The following CDH3 variants were observed in gnomAD, a reference collection of about 807,000 sequenced individuals.
The protein encoded by CDH3 is cadherin-3.
In CDH3, 54 loss-of-function variants were observed where a neutral mutation model predicts 82.0. The observed-to-expected ratio is 0.66, with a 90% CI of 0.53 to 0.83. The LOEUF (loss-of-function observed/expected upper bound fraction) is 0.83, where lower values mean the gene tolerates loss of function less well. CDH3 is among the 40% of genes least tolerant of loss of function. The pLI, the probability that CDH3 is intolerant of heterozygous loss-of-function variation, is 0.00. For synonymous variants in CDH3, 446 were observed against 437.9 expected (o/e 1.02, Z -0.23); for missense variants, 1,054 against 1,084.6 (o/e 0.97, Z 0.40).
rs993084012 is a variant in CDH3, at chr16:68,695,504, C to T, written c.2133+119C>T. On this transcript the variant is annotated intron_variant, in intron 14 of 15. Transcript: ENST00000264012. ...TGACCAGGCCCTGGCATGAAGCATG[C>T]GTCTTCCTTTTCTAACATCCTCCAG... 15 of 1,058,562 alleles carry T rather than the reference C, an allele frequency of 1.4e-5. No homozygotes were observed. In the South Asian group the frequency reaches 1.6e-4, roughly 11 times the overall value. 65.6% of individuals were successfully genotyped at this position (1,058,562 alleles called of 1,614,324 possible). A position where few individuals can be genotyped will look rare whatever the true frequency, so the allele number is the denominator to read the frequency against.
exon 3 of CDH3, among the ~76,000 whole-genome samples, chr16:68,727,400 ATATATCC>A (rs1468661458): frequency 1.3e-5 from 2 of 152,128 alleles, no homozygotes; most frequent in Non-Finnish European, 2.9e-5. Context: ...CTCTCTCTGT[ATATATCC>A]TATTTGTTCT....
chr16:68,645,372 C>T lies in CDH3; in HGVS notation c.-8C>T, dbSNP rs947800149. 2 of 1,612,960 alleles carry T rather than the reference C, an allele frequency of 1.2e-6. No homozygotes were observed. The highest frequency in any genetic ancestry group is 1.7e-5 in the Admixed American group (1 of 59,990). ...CGCGGCAGCTGCTTCACCCCTCTCT[C>T]TGCAGCCATGGGGCTCCCTCGTGGA... On this transcript the variant is annotated 5_prime_UTR_variant, in exon 1 of 16. Transcript: ENST00000264012.
Position 68,680,999 on chromosome 16 carries a change from C to G in CDH3, c.899C>G (p.Ala300Gly), listed in dbSNP as rs756082124. ...KVPEYTLTIQ[A>G]TDMDGDGSTT... ...CCTGAGTACACACTGACCATCCAGG[C>G]CACAGACATGGATGGGGACGGCTCC... The change falls in exon 8 of 16, where the codon GCC becomes GGC. Residue 300 changes from alanine to glycine, a missense_variant. Transcript: ENST00000264012. 6.2e-7 allele frequency: 1 copy of G among 1,613,812 alleles called. No homozygotes were observed. Among genetic ancestry groups the G allele is most frequent in the South Asian group, 1.1e-5 (1 of 91,082 alleles).
At position 68,687,674 on chromosome 16, in the gene CDH3, C is replaced by T. The variant is rs1961453706; in HGVS notation, c.1733C>T (p.Pro578Leu). The change falls in exon 12 of 16, where the codon CCT (proline) becomes CTT (leucine). Residue 578 changes from proline to leucine, a missense_variant. Physicochemically the swap from Pro to Leu is moderately conservative, Grantham distance 98. Coordinates refer to ENST00000264012, the MANE Select transcript of CDH3 (RefSeq NM_001793.6). ...AAGGACCTGTCTCCCCACACCTCCC[C>T]TTTCCAGGCCCAGCTCACAGATGAC... ...TDKDLSPHTS[P>L]FQAQLTDDSD... 2 of 1,613,994 alleles carry T rather than the reference C, an allele frequency of 1.2e-6. No individual in the cohort carries two copies. The highest frequency in any genetic ancestry group is 1.3e-5 in the African/African-American group (1 of 74,920).
At position 68,678,236 on chromosome 16, in the gene CDH3, C is replaced by A. The variant is rs2152099870; in HGVS notation, c.349C>A (p.Pro117Thr). The A allele has an allele frequency of 1.2e-6, 2 of 1,614,106 alleles. No homozygotes were observed. The highest frequency in any genetic ancestry group is 1.7e-6 in the Non-Finnish European group (2 of 1,180,000). Residue 117 changes from proline (P) to threonine (T), a missense_variant, in exon 4 of 16, where the codon CCT becomes ACT. Coordinates refer to ENST00000264012, the MANE Select transcript of CDH3 (RefSeq NM_001793.6). The part of the protein sequence containing the change: ...RDWVVAPISV[P>T]ENGKGPFPQR... ...TTGGGTGGTTGCTCCAATATCTGTC[C>A]CTGAAAATGGCAAGGGTCCCTTCCC...
At chr16:68,710,933 A>AGGGAG (rs1439675455) in intron 1 of CDH3, among the ~76,000 whole-genome samples, 1 of 123,696 alleles carries the variant, frequency 8.1e-6, no homozygotes. Flanking sequence ...GAAGGAGAGA[A>AGGGAG]GGGAGGGGAG....
At chr16:68,683,375 G>A (rs1306781326) in intron 9 of CDH3, among the ~76,000 whole-genome samples, 2 of 151,928 alleles carry the variant, frequency 1.3e-5, no homozygotes, top group African/African-American at 4.8e-5. Context: ...ATCCAGACCG[G>A]GTGCTGTGGC....
chr16:68,668,602 T>C (rs1960802735), intron 2 of CDH3, among the ~76,000 whole-genome samples: 1 of 152,212 alleles, frequency 6.6e-6, no homozygotes, highest in African/African-American at 2.4e-5. Context: ...AATCTCCGTC[T>C]TCTGCTTCCT....
At chr16:68,661,140 G>A (rs1172922664) in intron 2 of CDH3, among the ~76,000 whole-genome samples, 5 of 152,084 alleles carry the variant, frequency 3.3e-5, no homozygotes. Context: ...CTTTTAATTT[G>A]GGGGATTTGC....
downstream of CDH3, among the ~76,000 whole-genome samples, chr16:68,701,021 C>G (rs1961886199): frequency 6.6e-6 from 1 of 152,140 alleles, no homozygotes; most frequent in Non-Finnish European, 1.5e-5. Flanking sequence ...GGTGTCTCTG[C>G]TAGCAAACAC....
chr16:68,680,718 CA>C (rs1961196235), intron 7 of CDH3, among the ~76,000 whole-genome samples: 3 of 152,150 alleles, frequency 2.0e-5, no homozygotes, highest in African/African-American at 4.8e-5. Context: ...AGTTAAGGGT[CA>C]GGGGGCGATG....
At chr16:68,672,054 A>T (rs980967807) in intron 2 of CDH3, among the ~76,000 whole-genome samples, 4 of 151,922 alleles carry the variant, frequency 2.6e-5, no homozygotes, top group African/African-American at 7.2e-5. Context: ...TAGCCGGGCG[A>T]GGTGGCGGGC....
chr16:68,687,820 C>G, intron 12 of CDH3, 84 bp downstream of exon 12: 2 of 931,446 alleles, frequency 2.1e-6, no homozygotes, highest in Non-Finnish European at 3.5e-6. Context: ...GCACACGTTC[C>G]TATCCTAGCA....
chr16:68,724,162 G>C (rs1026842008), intron 2 of CDH3, among the ~76,000 whole-genome samples: 8 of 152,024 alleles, frequency 5.3e-5, no homozygotes, highest in African/African-American at 1.9e-4. Context: ...TTGAACCTAG[G>C]AGGTGGAGGT....
chr16:68,682,611 A>G, intron 9 of CDH3, 124 bp downstream of exon 9: 4 of 854,052 alleles, frequency 4.7e-6, no homozygotes, highest in Admixed American at 3.9e-5. Flanking sequence ...GTGGCTCCCA[A>G]CACTGTTCTA....
At chr16:68,659,490 G>A (rs1960500725) in intron 2 of CDH3, among the ~76,000 whole-genome samples, 1 of 151,614 alleles carries the variant, frequency 6.6e-6, no homozygotes, top group Non-Finnish European at 1.5e-5. Context: ...CAGGAGAATC[G>A]CTTGAACCTG....
At chr16:68,725,356 CAG>C (rs942002248) in intron 2 of CDH3, among the ~76,000 whole-genome samples, 3 of 151,470 alleles carry the variant, frequency 2.0e-5, no homozygotes, top group Admixed American at 2.0e-4. Context: ...TTTTTTGAGA[CAG>C]AGTCTCACTC....
At chr16:68,674,523 A>C (rs958577205) in intron 2 of CDH3, among the ~76,000 whole-genome samples, 8 of 152,138 alleles carry the variant, frequency 5.3e-5, no homozygotes, top group African/African-American at 1.9e-4. Flanking sequence ...GCTTGAGCCC[A>C]GGAGTTCGAG....
intron 1 of CDH3, among the ~76,000 whole-genome samples, chr16:68,711,543 A>C (rs560641460): frequency 6.6e-6 from 1 of 152,122 alleles, no homozygotes; most frequent in African/African-American, 2.4e-5. Flanking sequence ...GGCTGCGCCC[A>C]TGCCAGGGAC....
Sources: gnomAD v4.1 joint callset for allele counts (sites outside exome capture counted in the v4.1 genomes callset) on GRCh38, gnomAD v4.1.1 for gene constraint, MANE v1.5 for transcripts, NCBI Gene and HGNC (gene_info 2026-07-23, HGNC 2026-07-21) for gene names.